The following SPEF2 variants were observed in gnomAD, a reference collection of about 807,000 sequenced individuals.
SPEF2 encodes sperm flagella and cilia-associated protein 2.
A neutral mutation model predicts 224.6 loss-of-function variants in SPEF2; 187 were observed. The ratio of observed to expected loss-of-function variants is 0.83; its 90% CI spans 0.74 to 0.94. The LOEUF (loss-of-function observed/expected upper bound fraction) is 0.94, where lower values mean the gene tolerates loss of function less well. SPEF2 is among the 40% of genes least tolerant of loss of function. The probability of loss-of-function intolerance (pLI) is 0.00; values close to 1 mark genes in which losing one functional copy is unlikely to be tolerated. For synonymous variants in SPEF2, 715 were observed against 707.3 expected (o/e 1.01, Z -0.17); for missense variants, 2,170 against 2,135.6 (o/e 1.02, Z -0.32).
Position 35,753,696 on chromosome 5 carries a change from A to G in SPEF2, c.3403A>G (p.Ile1135Val), listed in dbSNP as rs752981916. Residue 1135 changes from isoleucine (I) to valine (V), a missense_variant, in exon 24 of 37, where the codon ATT (isoleucine) becomes GTT (valine). Physicochemically the swap from Ile to Val is conservative, Grantham distance 29. Transcript: ENST00000356031. ...EEAEQERLDIINESWLQDTLG... is the reference protein window; with the variant it reads ...EEAEQERLDIVNESWLQDTLG... The stretch of plus-strand genomic sequence containing the variant: ...GGCGGAGCAGGAGCGGCTTGACATC[A>G]TTAATGAGAGCTGGTTACAGGACAC... 7.4e-6 allele frequency: 12 copies of G among 1,614,036 alleles called. No homozygotes were observed. The highest frequency in any genetic ancestry group is 1.0e-5 in the Non-Finnish European group (12 of 1,180,032).
chr5:35,779,317 G>T lies in SPEF2; in HGVS notation c.4418G>T (p.Arg1473Leu), dbSNP rs77036027. 1 of 1,612,132 alleles carries T rather than the reference G, an allele frequency of 6.2e-7. No homozygotes were observed. The highest frequency in any genetic ancestry group is 8.5e-7 in the Non-Finnish European group (1 of 1,179,360). Residue 1473 changes from arginine (R) to leucine (L), a missense_variant, in exon 30 of 37, where the codon CGA (arginine) becomes CTA (leucine). Physicochemically the swap from Arg to Leu is moderately radical, Grantham distance 102. Transcript: ENST00000356031. ...TLTIEQLDSL[R>L]DQFLDMAPKG... ...ACCATTGAACAGCTTGACAGTCTTC[G>T]AGATCAGTTCTTAGATATGGCACCT...
intron 30 of SPEF2, chr5:35,788,865 A>G (rs1755561502): frequency 2.8e-6 from 2 of 702,822 alleles, no homozygotes; most frequent in Non-Finnish European, 5.2e-6. Context: ...CACTTTTATC[A>G]CAATTCTCCT....
At chr5:35,697,938 A>G in intron 15 of SPEF2, 145 bp downstream of exon 15, 1 of 559,666 alleles carries the variant, frequency 1.8e-6, no homozygotes, top group Non-Finnish European at 3.0e-6. Flanking sequence ...ATGAAAAGGT[A>G]GATTTATTTT....
intron 20 of SPEF2, among the ~76,000 whole-genome samples, chr5:35,719,076 G>A (rs754040710): frequency 3.9e-5 from 6 of 152,288 alleles, no homozygotes; most frequent in Admixed American, 6.5e-5. Flanking sequence ...GGAAACCTCC[G>A]AGTCATGGGC....
chr5:35,743,058 A>G (rs1747932781), intron 23 of SPEF2, among the ~76,000 whole-genome samples: 1 of 151,460 alleles, frequency 6.6e-6, no homozygotes, highest in African/African-American at 2.4e-5. Context: ...AGAAGACTCT[A>G]AAATATATTA....
At chr5:35,688,628 A>G (rs1259742784) in intron 10 of SPEF2, among the ~76,000 whole-genome samples, 1 of 152,198 alleles carries the variant, frequency 6.6e-6, no homozygotes, top group Non-Finnish European at 1.5e-5. Flanking sequence ...TAAAGTCAAC[A>G]TCATATACTG....
At chr5:35,661,254 T>TTATATATATATATATA (rs550178866) in intron 8 of SPEF2, among the ~76,000 whole-genome samples, 20 of 93,996 alleles carry the variant, frequency 2.1e-4, no homozygotes, top group Admixed American at 3.6e-4. Flanking sequence ...TTGGTATATA[T>TTATATATATATATATA]TATATATATA....
intron 10 of SPEF2, among the ~76,000 whole-genome samples, chr5:35,677,601 A>G (rs1467870668): frequency 6.6e-6 from 1 of 152,226 alleles, no homozygotes; most frequent in South Asian, 2.1e-4. Context: ...TGGAAGGGCC[A>G]TGGTGGCTTT....
At chr5:35,805,467 A>G (rs959269895) in intron 34 of SPEF2, among the ~76,000 whole-genome samples, 3 of 152,186 alleles carry the variant, frequency 2.0e-5, no homozygotes, top group Non-Finnish European at 4.4e-5. Context: ...TACTGAATTG[A>G]ATATTTACAG....
At chr5:35,760,503 C>CTACT (rs1424308483) in intron 25 of SPEF2, among the ~76,000 whole-genome samples, 1 of 151,924 alleles carries the variant, frequency 6.6e-6, no homozygotes, top group Non-Finnish European at 1.5e-5. Context: ...CATTGAGAAA[C>CTACT]AGTAAAGTCT....
At chr5:35,670,552 T>A in intron 10 of SPEF2, 1 of 1,002,326 alleles carries the variant, frequency 1.0e-6, no homozygotes, top group Non-Finnish European at 1.2e-6. Flanking sequence ...TGTGTACTTT[T>A]GCTTCAAAAA....
intron 10 of SPEF2, among the ~76,000 whole-genome samples, chr5:35,688,443 T>C (rs1753973446): frequency 6.6e-6 from 1 of 152,222 alleles, no homozygotes; most frequent in Non-Finnish European, 1.5e-5. Flanking sequence ...ATTTTGTTTA[T>C]TTTTCTTGTA....
Position 35,659,185 on chromosome 5 carries a change from A to G in SPEF2, c.1145A>G (p.Gln382Arg), listed in dbSNP as rs776412995. 1.2e-6 allele frequency: 2 copies of G among 1,610,572 alleles called. No homozygotes were observed. The highest frequency in any genetic ancestry group is 1.3e-5 in the African/African-American group (1 of 74,762). Residue 382 changes from glutamine to arginine, a missense_variant, in exon 8 of 37, where the codon CAG (glutamine) becomes CGG (arginine). Transcript: ENST00000356031. ...GAGGAAAGACGACTTAAAGATTTCCAGGATGCTCTTGATCGAGAAGCGGTA... is the reference window on the plus strand; with the variant it reads ...GAGGAAAGACGACTTAAAGATTTCCGGGATGCTCTTGATCGAGAAGCGGTA... Reference protein sequence around the residue: ...QHEERRLKDFQDALDREAALA... With the variant: ...QHEERRLKDFRDALDREAALA...
chr5:35,680,728 A>C (rs936390899), intron 10 of SPEF2, among the ~76,000 whole-genome samples: 14 of 152,198 alleles, frequency 9.2e-5, no homozygotes, highest in African/African-American at 3.4e-4. Context: ...ATGAGTAGAC[A>C]TCAGTTGATT....
Position 35,763,529 on chromosome 5 carries a change from C to T in SPEF2, c.3628C>T (p.Leu1210=). Reference sequence around the variant, plus strand: ...CTTGTTTGTTTCTCAAAGAATTCCTCTAGTTCCTCGAATATCCATTTCTCT... The same window carrying T: ...CTTGTTTGTTTCTCAAAGAATTCCTTTAGTTCCTCGAATATCCATTTCTCT... ...DNSESQLRIP[L]VPRISISLET... is the part of the protein sequence containing the mutation. Residue 1210 remains leucine (L), a synonymous_variant, in exon 26 of 37, where the codon CTA becomes TTA. Coordinates refer to ENST00000356031, the MANE Select transcript of SPEF2 (RefSeq NM_024867.4). The T allele has an allele frequency of 1.9e-6, 3 of 1,575,240 alleles. No individual in the cohort carries two copies. The highest frequency in any genetic ancestry group is 2.6e-6 in the Non-Finnish European group (3 of 1,165,736).
At position 35,732,532 on chromosome 5, in the gene SPEF2, T is replaced by G. The variant is rs144266653; in HGVS notation, c.3063+4709T>G. On this transcript the variant is annotated intron_variant, in intron 21 of 36. Transcript: ENST00000356031. Reference sequence around the variant, plus strand: ...ATGTTTAATTTAGATACATGAACCCTTAAGGTACGGTTAGACATACGATCT... The same window carrying G: ...ATGTTTAATTTAGATACATGAACCCGTAAGGTACGGTTAGACATACGATCT... Among the ~76,000 whole-genome samples the G allele has an allele frequency of 1.0e-3, 159 of 152,312 alleles. 1 individual carries two copies. In the East Asian group the frequency reaches 0.025, roughly 24 times the overall value.
At chr5:35,681,780 G>T (rs1226183565) in intron 10 of SPEF2, among the ~76,000 whole-genome samples, 1 of 152,082 alleles carries the variant, frequency 6.6e-6, no homozygotes, top group African/African-American at 2.4e-5. Context: ...TTTATGGGGA[G>T]ACCTAGTCAA....
chr5:35,797,068 T>C (rs1484992853), intron 33 of SPEF2, among the ~76,000 whole-genome samples: 1 of 152,180 alleles, frequency 6.6e-6, no homozygotes, highest in Non-Finnish European at 1.5e-5. Flanking sequence ...ACTGGCAGTT[T>C]GAATATTATG....
chr5:35,759,657 G>C lies in SPEF2; in HGVS notation c.3558G>C (p.Lys1186Asn), dbSNP rs1254356106. Reference protein sequence around the residue: ...MESKIPVEDNKRFTRIPLVQL... With the variant: ...MESKIPVEDNNRFTRIPLVQL... Reference sequence around the variant, plus strand: ...GTAAAATCCCAGTAGAGGACAACAAGAGATTTACTCGAATCCCTTTGGTCC... The same window carrying C: ...GTAAAATCCCAGTAGAGGACAACAACAGATTTACTCGAATCCCTTTGGTCC... Residue 1186 changes from lysine (K) to asparagine (N), a missense_variant, in exon 25 of 37, where the codon AAG becomes AAC. Transcript: ENST00000356031. The C allele has an allele frequency of 6.2e-7, 1 of 1,611,292 alleles. No individual in the cohort carries two copies. The highest frequency in any genetic ancestry group is 1.7e-5 in the Admixed American group (1 of 59,960).
Sources: allele counts gnomAD v4.1 joint callset (sites outside exome capture counted in the v4.1 genomes callset), GRCh38; gene constraint gnomAD v4.1.1; transcripts MANE v1.5; gene names NCBI Gene and HGNC (gene_info 2026-07-23, HGNC 2026-07-21).